The following ROBO2 variants were observed in gnomAD, a reference collection of about 807,000 sequenced individuals.
The protein encoded by ROBO2 is roundabout guidance receptor 2.
In ROBO2, 53 loss-of-function variants were observed where a neutral mutation model predicts 160.8. The observed-to-expected ratio is 0.33, with a 90% CI of 0.26 to 0.41. The LOEUF is 0.41. ROBO2 is among the 10% of genes least tolerant of loss of function. The pLI is 1.00. For missense variants in ROBO2, 1,577 were observed against 1,722.4 expected (o/e 0.92, Z 1.49); for synonymous variants, 664 against 611.7 (o/e 1.09, Z -1.26).
rs552005617 is a variant in ROBO2 at position 76,727,056 on chromosome 3, C to G, written c.110-370958C>G. Among the ~76,000 whole-genome samples, 106 of 152,204 alleles carry G rather than the reference C, an allele frequency of 7.0e-4. 1 individual carries two copies. The highest frequency in any genetic ancestry group is 2.4e-3 in the African/African-American group (101 of 41,540). On this transcript the variant is annotated intron_variant, in intron 2 of 26. Transcript: ENST00000487694. Reference sequence around the variant, plus strand: ...TCTTTGGTCTGTGCTAATTCTTAATCCTGAAGTAATATCAAAATTGAATAT... The same window carrying G: ...TCTTTGGTCTGTGCTAATTCTTAATGCTGAAGTAATATCAAAATTGAATAT...
At position 77,132,975 on chromosome 3, in the gene ROBO2, A is replaced by G. The variant is rs375530399; in HGVS notation, c.388+34635A>G. On this transcript the variant is annotated intron_variant, in intron 2 of 25. Transcript: ENST00000461745. ...GATGTTTATGGTTGCTCCATATGAA[A>G]TAGCCAAGCATAGAAGCATGCTGTA... is the stretch of plus-strand genomic sequence containing the variant. 1.2e-4 allele frequency among the ~76,000 whole-genome samples: 19 copies of G among 152,274 alleles called. No individual in the cohort carries two copies. The East Asian group carries it at 3.3e-3, about 26-fold the overall frequency.
chr3:76,478,672 T>C (rs1485951983), intron 2 of ROBO2, among the ~76,000 whole-genome samples: 1 of 148,310 alleles, frequency 6.7e-6, no homozygotes, highest in Non-Finnish European at 1.5e-5. Context: ...TCACACACTT[T>C]TTTCTCTGTT....
intron 2 of ROBO2, among the ~76,000 whole-genome samples, chr3:76,069,155 T>A (rs2068360205): frequency 6.6e-6 from 1 of 152,230 alleles, no homozygotes; most frequent in African/African-American, 2.4e-5. Flanking sequence ...GAATTGTACA[T>A]TGAGCCACCT....
At chr3:77,088,063 A>T (rs371896767) in intron 1 of ROBO2, among the ~76,000 whole-genome samples, 1 of 152,048 alleles carries the variant, frequency 6.6e-6, no homozygotes, top group East Asian at 1.9e-4. Flanking sequence ...CTCAATTTTG[A>T]TGTGGGCAGC....
At chr3:76,482,837 G>C (rs146678213) in intron 2 of ROBO2, among the ~76,000 whole-genome samples, 158 of 152,176 alleles carry the variant, frequency 1.0e-3, no homozygotes, top group African/African-American at 3.6e-3. Flanking sequence ...TTTAATAAAA[G>C]AATTGTTAAT....
chr3:77,495,606 A>G (rs1389051352), intron 5 of ROBO2, among the ~76,000 whole-genome samples: 4 of 152,096 alleles, frequency 2.6e-5, no homozygotes, highest in Non-Finnish European at 5.9e-5. Flanking sequence ...AACAACCTTG[A>G]AGGGAAGTGC....
intron 2 of ROBO2, among the ~76,000 whole-genome samples, chr3:76,124,924 A>T (rs1319327076): frequency 6.6e-6 from 1 of 152,130 alleles, no homozygotes; most frequent in Non-Finnish European, 1.5e-5. Flanking sequence ...GATGATGAGG[A>T]TTGGGGTATG....
chr3:76,453,774 T>TA (rs1165609593), intron 2 of ROBO2, among the ~76,000 whole-genome samples: 4 of 152,142 alleles, frequency 2.6e-5, no homozygotes, highest in East Asian at 1.9e-4. Context: ...AAGTATCCTC[T>TA]AAAAAAATGA....
chr3:76,496,282 G>A (rs2080145961), intron 2 of ROBO2, among the ~76,000 whole-genome samples: 1 of 152,090 alleles, frequency 6.6e-6, no homozygotes, highest in Non-Finnish European at 1.5e-5. Flanking sequence ...CATCTTCAGA[G>A]AAAAATGAAT....
chr3:76,109,034 G>A lies in ROBO2; in HGVS notation c.109+171432G>A, dbSNP rs150945383. Reference sequence around the variant, plus strand: ...TCTTTTTTCGCAAGTAATATCTAACGTGAAGAAAATGTTCTCTAAAATCAT... The same window carrying A: ...TCTTTTTTCGCAAGTAATATCTAACATGAAGAAAATGTTCTCTAAAATCAT... On this transcript the variant is annotated intron_variant, in intron 2 of 26. Transcript: ENST00000487694. 7.0e-3 allele frequency among the ~76,000 whole-genome samples: 1,066 copies of A among 151,778 alleles called. 18 individuals are homozygous for A. Among genetic ancestry groups the A allele is most frequent in the African/African-American group, 0.025 (1,033 of 41,474 alleles).
intron 2 of ROBO2, among the ~76,000 whole-genome samples, chr3:77,174,920 T>G (rs2079989775): frequency 6.6e-6 from 1 of 152,060 alleles, no homozygotes; most frequent in South Asian, 2.1e-4. Flanking sequence ...AAAAATATCC[T>G]GAAACACTAA....
intron 2 of ROBO2, among the ~76,000 whole-genome samples, chr3:77,292,096 G>T (rs373888524): frequency 1.9e-4 from 28 of 149,500 alleles, no homozygotes; most frequent in African/African-American, 6.3e-4. Flanking sequence ...AAAATTGACG[G>T]TTAAACGGGT....
chr3:76,238,222 G>A (rs943889537), intron 2 of ROBO2, among the ~76,000 whole-genome samples: 3 of 152,178 alleles, frequency 2.0e-5, no homozygotes, highest in African/African-American at 7.2e-5. Flanking sequence ...CCAAGACTGG[G>A]TAACTTATAA....
Position 77,364,932 on chromosome 3 carries a change from G to A in ROBO2, c.389-112482G>A, listed in dbSNP as rs114423562. On this transcript the variant is annotated intron_variant, in intron 2 of 25. Coordinates refer to ENST00000461745, the Ensembl canonical transcript of ROBO2. ...AGGATAAGCAGTATACCTAGTTAAT[G>A]TCAGGAGTTCGAGACCAGCCTGGCC... 6.6e-3 allele frequency among the ~76,000 whole-genome samples: 1,002 copies of A among 152,110 alleles called. 14 individuals carry two copies. Among genetic ancestry groups the A allele is most frequent in the African/African-American group, 0.023 (949 of 41,490 alleles).
intron 2 of ROBO2, among the ~76,000 whole-genome samples, chr3:76,508,208 C>A (rs984254387): frequency 1.3e-5 from 2 of 152,088 alleles, no homozygotes; most frequent in Non-Finnish European, 2.9e-5. Flanking sequence ...CTTTAACATG[C>A]TGTCCCTAAA....
chr3:75,924,410 A>G (rs1458203697), intron 1 of ROBO2, among the ~76,000 whole-genome samples: 1 of 152,132 alleles, frequency 6.6e-6, no homozygotes, highest in Non-Finnish European at 1.5e-5. Flanking sequence ...TCAGGGGTAC[A>G]TGTGGCCCCT....
chr3:75,952,616 G>A (rs533060521), intron 2 of ROBO2, among the ~76,000 whole-genome samples: 1 of 151,882 alleles, frequency 6.6e-6, no homozygotes, highest in African/African-American at 2.4e-5. Flanking sequence ...TATAGTTGAT[G>A]AGTCAATATT....
intron 2 of ROBO2, among the ~76,000 whole-genome samples, chr3:77,292,022 AGAAATAAAGTAAAATT>A (rs1175597995): frequency 8.6e-5 from 13 of 151,746 alleles, no homozygotes; most frequent in East Asian, 1.9e-4. Context: ...AGATCACCCC[AGAAATAAAGTAAAATT>A]GACGGCTTAA....
chr3:76,944,753 A>G (rs2149130723), intron 2 of ROBO2, among the ~76,000 whole-genome samples: 1 of 152,290 alleles, frequency 6.6e-6, no homozygotes, highest in Non-Finnish European at 1.5e-5. Context: ...CAAATTCCTG[A>G]AATTAGAATT....
Sources: allele counts gnomAD v4.1 joint callset (sites outside exome capture counted in the v4.1 genomes callset), GRCh38; gene constraint gnomAD v4.1.1; transcripts MANE v1.5; gene names NCBI Gene and HGNC (gene_info 2026-07-23, HGNC 2026-07-21).